Variants in SPAG16 observed in about 807,000 individuals in gnomAD.
The protein encoded by SPAG16 is sperm-associated antigen 16 protein.
In SPAG16, 86 loss-of-function variants were observed where a neutral mutation model predicts 80.4. The ratio of observed to expected loss-of-function variants is 1.07; its 90% confidence interval spans 0.90 to 1.28. The LOEUF is 1.28. Among genes scored for constraint, SPAG16 ranks in the 50% most tolerant of loss-of-function variants. The probability of loss-of-function intolerance (pLI) is 0.00; values close to 1 mark genes in which losing one functional copy is unlikely to be tolerated. For synonymous variants in SPAG16, 294 were observed against 265.9 expected (o/e 1.11, Z -1.03); for missense variants, 870 against 765.3 (o/e 1.14, Z -1.61).
chr2:213,459,655 T>A (rs1205987342), intron 9 of SPAG16, among the ~76,000 whole-genome samples: 1 of 152,204 alleles, frequency 6.6e-6, no homozygotes, highest in Non-Finnish European at 1.5e-5. Flanking sequence ...GCTTTCTCCA[T>A]CAGAATTGTC....
intron 12 of SPAG16, among the ~76,000 whole-genome samples, chr2:213,942,003 G>C (rs1023001043): frequency 1.3e-5 from 2 of 152,106 alleles, no homozygotes; most frequent in African/African-American, 4.8e-5. Flanking sequence ...ACAATTCTTT[G>C]ATGCCAGTGG....
intron 8 of SPAG16, among the ~76,000 whole-genome samples, chr2:213,366,005 A>G (rs1434264332): frequency 3.0e-4 from 44 of 149,002 alleles, no homozygotes; most frequent in Admixed American, 4.0e-4. Flanking sequence ...AGCTGGGCGT[A>G]GTGGCGGGCG....
intron 11 of SPAG16, among the ~76,000 whole-genome samples, chr2:213,890,309 A>G (rs536440240): frequency 7.2e-5 from 11 of 152,192 alleles, no homozygotes; most frequent in African/African-American, 2.2e-4. Context: ...CTGAAAACAT[A>G]TTAGTAAGTG....
intron 10 of SPAG16, among the ~76,000 whole-genome samples, chr2:213,823,594 A>G (rs1045093612): frequency 3.9e-5 from 6 of 152,168 alleles, no homozygotes; most frequent in Admixed American, 3.9e-4. Flanking sequence ...TCCAGACCTC[A>G]GGTGATCTGC....
At chr2:214,165,275 T>C (rs1324866447) in intron 15 of SPAG16, among the ~76,000 whole-genome samples, 2 of 152,008 alleles carry the variant, frequency 1.3e-5, no homozygotes, top group Non-Finnish European at 2.9e-5. Context: ...TTCTGGAACT[T>C]TGAAGTAATG....
chr2:214,216,306 G>GTGGTGA (rs1553529835), intron 15 of SPAG16, among the ~76,000 whole-genome samples: 2 of 151,648 alleles, frequency 1.3e-5, no homozygotes, highest in African/African-American at 4.8e-5. Context: ...GAAAAATGCT[G>GTGGTGA]TGATGATGAT....
intron 9 of SPAG16, among the ~76,000 whole-genome samples, chr2:213,468,680 G>C (rs1559163545): frequency 2.7e-5 from 4 of 146,024 alleles, no homozygotes; most frequent in African/African-American, 1.0e-4. Context: ...GTATATATAT[G>C]TGTGTGTATA....
chr2:213,813,200 G>T (rs377647542), intron 10 of SPAG16, among the ~76,000 whole-genome samples: 132 of 152,276 alleles, frequency 8.7e-4, no homozygotes, highest in East Asian at 8.3e-3. Context: ...TTCCAAAGGG[G>T]CCATAAACAC....
chr2:213,622,812 CTTGTT>C (rs1336447504), intron 10 of SPAG16, among the ~76,000 whole-genome samples: 3 of 150,240 alleles, frequency 2.0e-5, no homozygotes, highest in Admixed American at 6.7e-5. Context: ...CCACTTGGGC[CTTGTT>C]TTGTTTTGTG....
chr2:213,918,261 G>C (rs2078057388), intron 11 of SPAG16, among the ~76,000 whole-genome samples: 1 of 152,088 alleles, frequency 6.6e-6, no homozygotes, highest in South Asian at 2.1e-4. Context: ...ATGTTTTTGT[G>C]TCAGGAAAAT....
At chr2:213,772,149 G>C (rs1257958811) in intron 10 of SPAG16, among the ~76,000 whole-genome samples, 1 of 152,092 alleles carries the variant, frequency 6.6e-6, no homozygotes, top group Non-Finnish European at 1.5e-5. Context: ...CATTGAAGAG[G>C]TCCTTCACTT....
intron 10 of SPAG16, among the ~76,000 whole-genome samples, chr2:213,773,906 C>T (rs866285059): frequency 2.0e-5 from 3 of 152,232 alleles, no homozygotes; most frequent in Middle Eastern, 3.4e-3. Context: ...TCTATCTGGT[C>T]CTCAAATAAT....
intron 9 of SPAG16, among the ~76,000 whole-genome samples, chr2:213,441,900 A>G (rs2070987110): frequency 6.6e-6 from 1 of 152,192 alleles, no homozygotes. Context: ...TAATCCCAGC[A>G]CTTTGGGAGG....
At chr2:214,289,147 C>G (rs1012214213) in intron 15 of SPAG16, among the ~76,000 whole-genome samples, 22 of 152,166 alleles carry the variant, frequency 1.4e-4, no homozygotes, top group African/African-American at 5.1e-4. Context: ...ATATTAGCCT[C>G]TTGTTGCATG....
chr2:213,717,187 G>T (rs1354517149), intron 10 of SPAG16, among the ~76,000 whole-genome samples: 1 of 140,018 alleles, frequency 7.1e-6, no homozygotes, highest in Admixed American at 7.7e-5. Flanking sequence ...ACGGAATCTC[G>T]TCTGTCGCCC....
chr2:214,359,284 T>A (rs1699018309), intron 15 of SPAG16, among the ~76,000 whole-genome samples: 1 of 151,890 alleles, frequency 6.6e-6, no homozygotes, highest in Admixed American at 6.6e-5. Context: ...GTATAGGTAA[T>A]GATGATAAAT....
At chr2:213,441,356 C>G (rs1178419820) in intron 9 of SPAG16, among the ~76,000 whole-genome samples, 1 of 152,188 alleles carries the variant, frequency 6.6e-6, no homozygotes, top group Non-Finnish European at 1.5e-5. Context: ...TGAATGTCTT[C>G]TATACGCATA....
chr2:214,376,715 G>A (rs1487173321), intron 15 of SPAG16, among the ~76,000 whole-genome samples: 2 of 152,048 alleles, frequency 1.3e-5, no homozygotes, highest in Non-Finnish European at 2.9e-5. Flanking sequence ...ATCTCCCAAC[G>A]ACTTGTCTGT....
chr2:213,860,570 G>A (rs1342482359), intron 10 of SPAG16, among the ~76,000 whole-genome samples: 1 of 151,390 alleles, frequency 6.6e-6, no homozygotes, highest in Non-Finnish European at 1.5e-5. Context: ...TGATTAGGAG[G>A]ATCAGTTCAT....
Sources: allele counts gnomAD v4.1 joint callset (sites outside exome capture counted in the v4.1 genomes callset), GRCh38; gene constraint gnomAD v4.1.1; transcripts MANE v1.5; gene names NCBI Gene and HGNC (gene_info 2026-07-23, HGNC 2026-07-21).